The following RBPJ variants were observed in gnomAD, a reference collection of about 807,000 sequenced individuals.
RBPJ encodes recombining binding protein suppressor of hairless.
Under a neutral mutation model 67.8 loss-of-function variants are expected in RBPJ, and 9 were observed. The observed-to-expected ratio is 0.13, with a 90% CI of 0.08 to 0.23. The LOEUF (loss-of-function observed/expected upper bound fraction) is 0.23, where lower values mean the gene tolerates loss of function less well. Among genes scored for constraint, RBPJ ranks in the 10% least tolerant of loss-of-function variants. RBPJ has a pLI of 1.00. For missense variants in RBPJ, 305 were observed against 595.6 expected (o/e 0.51, Z 5.08); for synonymous variants, 198 against 203.3 (o/e 0.97, Z 0.22).
intron 1 of RBPJ, among the ~76,000 whole-genome samples, chr4:26,357,205 G>T (rs1250118751): frequency 6.6e-6 from 1 of 152,216 alleles, no homozygotes; most frequent in East Asian, 1.9e-4. Flanking sequence ...AATAGCTAGT[G>T]ATAATTGTGA....
At chr4:26,270,934 C>T (rs764538552) in intron 1 of RBPJ, among the ~76,000 whole-genome samples, 5 of 151,518 alleles carry the variant, frequency 3.3e-5, no homozygotes, top group Non-Finnish European at 7.4e-5. Context: ...AACCATGGTT[C>T]GAAAATAGGT....
chr4:26,362,656 C>A, intron 1 of RBPJ: 1 of 1,581,892 alleles, frequency 6.3e-7, no homozygotes, highest in Non-Finnish European at 8.7e-7. Flanking sequence ...CCCAGTGACC[C>A]CAAGGTCATG....
intron 1 of RBPJ, among the ~76,000 whole-genome samples, chr4:26,375,103 G>A (rs1396833034): frequency 6.6e-6 from 1 of 151,894 alleles, no homozygotes; most frequent in African/African-American, 2.4e-5. Context: ...AGGAGTTTGA[G>A]ACTAGCCTGG....
chr4:26,420,474 A>G, intron 4 of RBPJ, 77 bp from the exon 5 acceptor site: 2 of 921,288 alleles, frequency 2.2e-6, no homozygotes, highest in Admixed American at 3.2e-5. Context: ...TACTTAAACC[A>G]TGGCCATTCT....
intron 1 of RBPJ, among the ~76,000 whole-genome samples, chr4:26,310,763 G>C (rs1490392389): frequency 6.7e-6 from 1 of 150,258 alleles, no homozygotes; most frequent in East Asian, 2.0e-4. Context: ...TCCGCCTCCC[G>C]GGCTCAAGTG....
chr4:26,316,599 T>C (rs192530421), upstream of RBPJ, among the ~76,000 whole-genome samples: 3 of 139,328 alleles, frequency 2.2e-5, no homozygotes, highest in Non-Finnish European at 4.6e-5. Flanking sequence ...ATATATAATA[T>C]ATATATACAC....
At chr4:26,292,577 G>C (rs1224428844) in intron 1 of RBPJ, among the ~76,000 whole-genome samples, 1 of 149,726 alleles carries the variant, frequency 6.7e-6, no homozygotes, top group Non-Finnish European at 1.5e-5. Flanking sequence ...CCCACCATCG[G>C]GCTCAGCTAA....
chr4:26,115,674 TGA>T, the RBPJ span, among the ~76,000 whole-genome samples: 1 of 152,120 alleles, frequency 6.6e-6, no homozygotes, highest in African/African-American at 2.4e-5. Flanking sequence ...AAGTTTTAAG[TGA>T]GATATTATTT....
At chr4:26,200,146 G>A (rs932986466) in intron 1 of RBPJ, among the ~76,000 whole-genome samples, 9 of 152,192 alleles carry the variant, frequency 5.9e-5, no homozygotes, top group African/African-American at 1.7e-4. Context: ...AACTTAAATC[G>A]TTGTAGAGAA....
intron 1 of RBPJ, among the ~76,000 whole-genome samples, chr4:26,187,245 A>G (rs1717302656): frequency 1.3e-5 from 2 of 152,146 alleles, no homozygotes. Flanking sequence ...CGAAAACAAA[A>G]AACACAAACA....
intron 1 of RBPJ, among the ~76,000 whole-genome samples, chr4:26,332,969 T>C (rs747467545): frequency 1.3e-5 from 2 of 152,178 alleles, no homozygotes; most frequent in Non-Finnish European, 2.9e-5. Flanking sequence ...CTTAAGTATA[T>C]TGTGTAAAGT....
chr4:26,288,537 C>T (rs774677999), intron 1 of RBPJ, among the ~76,000 whole-genome samples: 1 of 152,178 alleles, frequency 6.6e-6, no homozygotes, highest in Non-Finnish European at 1.5e-5. Flanking sequence ...ACATTGAATT[C>T]GCTAAAACTC....
At chr4:26,323,065 C>T (rs1366216005) in intron 1 of RBPJ, 1 of 150,652 alleles carries the variant, frequency 6.6e-6, no homozygotes, top group African/African-American at 2.4e-5. Context: ...AGTATTGGAG[C>T]ATTGGAAAAT....
chr4:26,118,613 A>G, the RBPJ span, among the ~76,000 whole-genome samples: 2 of 152,242 alleles, frequency 1.3e-5, no homozygotes, highest in Non-Finnish European at 2.9e-5. Flanking sequence ...GTCAGTCTGA[A>G]TACAAGAGAA....
At chr4:26,137,226 G>T in the RBPJ span, among the ~76,000 whole-genome samples, 1 of 152,236 alleles carries the variant, frequency 6.6e-6, no homozygotes, top group South Asian at 2.1e-4. Flanking sequence ...CAAGCCTCTG[G>T]GATGTTTTCC....
intron 1 of RBPJ, among the ~76,000 whole-genome samples, chr4:26,210,659 C>A (rs984176160): frequency 1.5e-5 from 1 of 66,584 alleles, no homozygotes; most frequent in African/African-American, 6.2e-5. Context: ...AGCTTTCTTT[C>A]TTTTTTCTTT....
At chr4:26,346,033 A>C (rs565607450) in intron 1 of RBPJ, among the ~76,000 whole-genome samples, 2 of 152,174 alleles carry the variant, frequency 1.3e-5, no homozygotes, top group Non-Finnish European at 2.9e-5. Flanking sequence ...ACACACACAC[A>C]CAAACACAAA....
chr4:26,315,167 AATATAT>A (rs67496694), upstream of RBPJ, among the ~76,000 whole-genome samples: 57 of 74,752 alleles, frequency 7.6e-4, 1 homozygote, highest in African/African-American at 3.2e-3. Context: ...AAAAAAAAAA[AATATAT>A]ATATATATAT....
At chr4:26,181,867 CAGTG>C (rs1169246973) in intron 1 of RBPJ, among the ~76,000 whole-genome samples, 3 of 152,212 alleles carry the variant, frequency 2.0e-5, no homozygotes, top group Admixed American at 6.5e-5. Context: ...CTGGGTGAGT[CAGTG>C]AGTGAGTGAG....
Sources: gnomAD v4.1 joint callset for allele counts (sites outside exome capture counted in the v4.1 genomes callset) on GRCh38, gnomAD v4.1.1 for gene constraint, MANE v1.5 for transcripts, NCBI Gene and HGNC (gene_info 2026-07-23, HGNC 2026-07-21) for gene names.